The following KCNK9 variants were observed in gnomAD, a reference collection of about 807,000 sequenced individuals.
The protein encoded by KCNK9 is potassium channel subfamily K member 9.
In KCNK9, 1 loss-of-function variant was observed where a neutral mutation model predicts 10.8. The ratio of observed to expected loss-of-function variants is 0.09; its 90% CI spans 0.03 to 0.44. The LOEUF is 0.44. Among genes scored for constraint, KCNK9 ranks in the 20% least tolerant of loss-of-function variants. The pLI is 0.97. For missense variants in KCNK9, 303 were observed against 515.0 expected (o/e 0.59, Z 3.98); for synonymous variants, 231 against 222.7 (o/e 1.04, Z -0.33).
At chr8:139,611,974 C>T (rs1480281163), downstream of KCNK9, 1 of 152,210 alleles carries the variant, frequency 6.6e-6, no homozygotes, top group East Asian at 1.9e-4. Context: ...CTTGCTGCTC[C>T]TGTGGCCGGG....
chr8:139,653,296 C>A (rs534154647), intron 1 of KCNK9, among the ~76,000 whole-genome samples: 14 of 152,262 alleles, frequency 9.2e-5, no homozygotes, highest in Admixed American at 2.0e-4. Context: ...TATATTTACA[C>A]ACACTTGGCT....
rs76894888 is a variant in KCNK9 at position 139,678,658 on chromosome 8, C to T, written c.283+24052G>A. Among the ~76,000 whole-genome samples, 658 of 152,358 alleles carry T rather than the reference C, an allele frequency of 4.3e-3. 6 individuals are homozygous for T. Among genetic ancestry groups the T allele is most frequent in the African/African-American group, 0.015 (626 of 41,592 alleles). The stretch of plus-strand genomic sequence containing the variant: ...GCTGATAGAAACTCCACAGCCAGTT[C>T]CAAGGTCCACAGGTACCTTCCTCTT... On this transcript the variant is annotated intron_variant, in intron 1 of 1. Coordinates refer to ENST00000520439, the MANE Select transcript of KCNK9 (RefSeq NM_001282534.2).
At chr8:139,631,576 T>G (rs1815173197) in intron 1 of KCNK9, among the ~76,000 whole-genome samples, 6 of 152,174 alleles carry the variant, frequency 3.9e-5, no homozygotes. Flanking sequence ...CTCCACCCCT[T>G]TCCAGCAAAA....
intron 1 of KCNK9, among the ~76,000 whole-genome samples, chr8:139,674,912 G>A (rs954266015): frequency 2.0e-5 from 3 of 149,982 alleles, no homozygotes; most frequent in African/African-American, 7.4e-5. Context: ...TCCTCCCCCC[G>A]AAGCCTTCCC....
At chr8:139,660,877 G>A (rs1227114130) in intron 1 of KCNK9, among the ~76,000 whole-genome samples, 1 of 152,150 alleles carries the variant, frequency 6.6e-6, no homozygotes, top group East Asian at 1.9e-4. Flanking sequence ...CTAGCTGGTA[G>A]AGGACCCAGT....
intron 1 of KCNK9, among the ~76,000 whole-genome samples, chr8:139,654,428 G>A (rs1209381190): frequency 2.0e-5 from 3 of 152,138 alleles, no homozygotes; most frequent in Admixed American, 6.5e-5. Context: ...TGCCCTGCCC[G>A]CTCAGGCCCT....
intron 1 of KCNK9, among the ~76,000 whole-genome samples, chr8:139,687,375 CATATATATGA>C (rs1816816313): frequency 7.6e-6 from 1 of 132,172 alleles, no homozygotes; most frequent in African/African-American, 2.8e-5. Context: ...TATGTGTATA[CATATATATGA>C]ATATATATGT....
rs1814673504 is a variant in KCNK9 at position 139,618,567 on chromosome 8, G to A, written c.816C>T (p.Val272=). ...GCCGCGGCTCCTCAGGGATGTGAAT[G>A]ACCATGCTGTTGCGGTTTCCGGCGA... ...ASLAGNRNSM[V]IHIPEEPRPS... is the part of the protein sequence containing the mutation. Residue 272 remains valine, a synonymous_variant, in exon 2 of 2, where the codon GTC becomes GTT. Coordinates refer to ENST00000520439, the MANE Select transcript of KCNK9 (RefSeq NM_001282534.2). The surrounding 1 kb of genome is among the most constrained non-coding windows in gnomAD (Gnocchi z 7.9). 2 of 1,613,526 alleles carry A rather than the reference G, an allele frequency of 1.2e-6. No individual in the cohort carries two copies.
Position 139,702,675 on chromosome 8 carries a change from G to A in KCNK9, c.283+35C>T, listed in dbSNP as rs112166745. The stretch of plus-strand genomic sequence containing the variant: ...CAGCCGCCTCCCCGGACTCCTCCCG[G>A]GGCGCGGGAGCCCAGCGGCGCGCCC... On this transcript the variant is annotated intron_variant, in intron 1 of 1. Transcript: ENST00000520439. This position sits in a 1 kb window ranked among gnomAD's most constrained non-coding sequence, Gnocchi z 7.5. 6.3e-7 allele frequency: 1 copy of A among 1,580,592 alleles called. No homozygotes were observed. The highest frequency in any genetic ancestry group is 1.1e-5 in the South Asian group (1 of 88,334).
At chr8:139,627,728 A>G (rs1020092294) in intron 1 of KCNK9, among the ~76,000 whole-genome samples, 5 of 152,276 alleles carry the variant, frequency 3.3e-5, no homozygotes, top group Admixed American at 3.3e-4. Flanking sequence ...TAGCCAGACT[A>G]CAAATAACCC....
downstream of KCNK9, among the ~76,000 whole-genome samples, chr8:139,614,186 G>C (rs148698456): frequency 1.3e-5 from 2 of 152,290 alleles, no homozygotes; most frequent in Non-Finnish European, 2.9e-5. Flanking sequence ...ATATGGATGA[G>C]GCAGAGAAAA....
rs1815319417 is a variant in KCNK9 at position 139,635,776 on chromosome 8, C to T, written c.284-16677G>A. On this transcript the variant is annotated intron_variant, in intron 1 of 1. Transcript: ENST00000520439. The stretch of plus-strand genomic sequence containing the variant: ...ACCCACAACCCCCCCACTCAGGAGG[C>T]AGCCTGGAAGCATCTTACATTCCCT... 2.0e-5 allele frequency among the ~76,000 whole-genome samples: 3 copies of T among 152,300 alleles called. No individual in the cohort carries two copies. In the South Asian group the frequency reaches 6.2e-4, roughly 32 times the overall value.
chr8:139,662,145 C>T (rs1356935327), intron 1 of KCNK9, among the ~76,000 whole-genome samples: 4 of 152,206 alleles, frequency 2.6e-5, no homozygotes, highest in Admixed American at 6.5e-5. Context: ...ATCCTGTAGC[C>T]GCCCCATTCC....
intron 1 of KCNK9, among the ~76,000 whole-genome samples, chr8:139,620,501 A>T (rs1334314895): frequency 6.6e-6 from 1 of 152,034 alleles, no homozygotes; most frequent in Non-Finnish European, 1.5e-5. Context: ...ACCAGACCCC[A>T]GGATCCTCTG....
intron 1 of KCNK9, among the ~76,000 whole-genome samples, chr8:139,678,856 A>C (rs1816620508): frequency 6.6e-6 from 1 of 152,202 alleles, no homozygotes. Context: ...CAGGTTTTAA[A>C]CGGGTAAGAA....
At chr8:139,676,041 G>A (rs947615994) in intron 1 of KCNK9, among the ~76,000 whole-genome samples, 1 of 152,184 alleles carries the variant, frequency 6.6e-6, no homozygotes, top group Non-Finnish European at 1.5e-5. Context: ...TTGGCTAGTT[G>A]AATGAAAGAA....
chr8:139,680,647 C>A (rs994571212), intron 1 of KCNK9, among the ~76,000 whole-genome samples: 1 of 152,162 alleles, frequency 6.6e-6, no homozygotes, highest in Non-Finnish European at 1.5e-5. Context: ...ACTTCCCCTG[C>A]GTGCTCCTAA....
chr8:139,662,936 C>T (rs1022925077), intron 1 of KCNK9, among the ~76,000 whole-genome samples: 166 of 151,908 alleles, frequency 1.1e-3, no homozygotes, highest in African/African-American at 3.8e-3. Flanking sequence ...AGGGTAGATG[C>T]GCCTTAGTGT....
At chr8:139,603,102 C>T (rs1333510887) in intron 2 of KCNK9, among the ~76,000 whole-genome samples, 1 of 152,174 alleles carries the variant, frequency 6.6e-6, no homozygotes, top group Non-Finnish European at 1.5e-5. Flanking sequence ...AAAATCTAAC[C>T]ACATGATGGA....
Sources: gnomAD v4.1 joint callset for allele counts (sites outside exome capture counted in the v4.1 genomes callset) on GRCh38, gnomAD v4.1.1 for gene constraint, Gnocchi (gnomAD v3.1) non-coding constraint, MANE v1.5 for transcripts, NCBI Gene and HGNC (gene_info 2026-07-23, HGNC 2026-07-21) for gene names.